SORBS2: variants seen among roughly 807,000 people sequenced by gnomAD.
The protein encoded by SORBS2 is sorbin and SH3 domain containing 2.
Under a neutral mutation model 97.7 loss-of-function variants are expected in SORBS2, and 46 were observed. The observed-to-expected ratio is 0.47, with a 90% CI of 0.37 to 0.60. The LOEUF (loss-of-function observed/expected upper bound fraction) is 0.60, where lower values mean the gene tolerates loss of function less well. SORBS2 is among the 20% of genes least tolerant of loss of function. The pLI is 0.00. For synonymous variants in SORBS2, 476 were observed against 473.4 expected (o/e 1.01, Z -0.07); for missense variants, 1,316 against 1,282.3 (o/e 1.03, Z -0.40).
intron 2 of SORBS2, among the ~76,000 whole-genome samples, chr4:185,749,178 T>C (rs1172207312): frequency 1.3e-5 from 2 of 152,206 alleles, no homozygotes; most frequent in East Asian, 1.9e-4. Flanking sequence ...ATGTGGATGC[T>C]GCTCCAAGCC....
intron 4 of SORBS2, chr4:185,638,900 C>A: frequency 1.3e-6 from 2 of 1,481,522 alleles, no homozygotes; most frequent in Non-Finnish European, 1.8e-6. Context: ...AGAGCCGGGG[C>A]GCGCGAGCTT....
rs777341296 is a variant in SORBS2 at position 185,719,761 on chromosome 4, ATTC to A, written c.-197-40942_-197-40940del. Reference sequence around the variant, plus strand: ...AAAGCCCTAGCATAATGCAATAGGAATTCTTCTTGCCTGTATAACTGGATTCTG... The same window carrying A: ...AAAGCCCTAGCATAATGCAATAGGAATTCTTGCCTGTATAACTGGATTCTG... On this transcript the variant is annotated intron_variant, in intron 2 of 20. Transcript: ENST00000284776. Among the ~76,000 whole-genome samples the A allele has an allele frequency of 6.6e-5, 10 of 152,332 alleles. No individual in the cohort carries two copies. In the East Asian group the frequency reaches 1.7e-3, roughly 26 times the overall value.
intron 1 of SORBS2, among the ~76,000 whole-genome samples, chr4:185,873,513 G>A (rs1250184380): frequency 1.3e-5 from 2 of 152,172 alleles, no homozygotes; most frequent in Non-Finnish European, 2.9e-5. Context: ...TGATAAGCAT[G>A]AACCAGGAAA....
In SORBS2 at chr4:185,814,354, A is replaced by G. The variant is rs150682532; in HGVS notation, c.-337-38988T>C. On this transcript the variant is annotated intron_variant, in intron 1 of 20. Coordinates refer to the SORBS2 transcript ENST00000284776. The stretch of plus-strand genomic sequence containing the variant: ...GAGACCAGTCTAGGCAACAGACTGC[A>G]TCTCTACAAAAAAAAAAAAAATCAA... 7.5e-3 allele frequency among the ~76,000 whole-genome samples: 1,122 copies of G among 150,188 alleles called. 6 individuals are homozygous for G. Among genetic ancestry groups the G allele is most frequent in the African/African-American group, 0.025 (1,001 of 40,618 alleles).
At chr4:185,939,450 T>C (rs1034688182) in intron 1 of SORBS2, among the ~76,000 whole-genome samples, 1 of 152,204 alleles carries the variant, frequency 6.6e-6, no homozygotes, top group Non-Finnish European at 1.5e-5. Context: ...ACTGCTGCTC[T>C]ATTTCTCCCT....
intron 1 of SORBS2, among the ~76,000 whole-genome samples, chr4:185,861,597 C>T (rs1346830734): frequency 8.8e-6 from 1 of 113,158 alleles, no homozygotes; most frequent in African/African-American, 3.7e-5. Flanking sequence ...GATCTGACTT[C>T]TATTTTTTTT....
rs149773204 is a variant in SORBS2, at chr4:185,623,110, G to A, written c.2019C>T (p.Pro673=). The stretch of plus-strand genomic sequence containing the variant: ...GCGCTCTCAGGGATGAGTTCCTCTC[G>A]GGAACATCTGGCAGCAGCTCACTGA... The change falls in exon 7 of 15, where the codon CCC becomes CCT. Residue 673 remains proline (P), a synonymous_variant. Transcript: ENST00000418609. This position sits in a 1 kb window ranked among gnomAD's most constrained non-coding sequence, Gnocchi z 6.4. 1.2e-6 allele frequency: 2 copies of A among 1,614,118 alleles called. No individual in the cohort carries two copies. Among genetic ancestry groups the A allele is most frequent in the East Asian group, 2.2e-5 (1 of 44,884 alleles).
At chr4:185,610,990 G>A (rs367782151) in intron 12 of SORBS2, among the ~76,000 whole-genome samples, 1 of 152,072 alleles carries the variant, frequency 6.6e-6, no homozygotes, top group East Asian at 1.9e-4. Flanking sequence ...CACATTGTGA[G>A]TACAGACAAA....
chr4:185,587,846 A>G (rs1006011647), intron 14 of SORBS2, 158 bp from the exon 27 acceptor site: 26 of 616,704 alleles, frequency 4.2e-5, no homozygotes, highest in Non-Finnish European at 7.3e-5. Context: ...TAGGCAGACA[A>G]AATAAGCAGT....
intron 2 of SORBS2, among the ~76,000 whole-genome samples, chr4:185,750,819 TG>T (rs943639326): frequency 1.4e-4 from 21 of 152,082 alleles, no homozygotes; most frequent in African/African-American, 4.8e-4. Context: ...TTTGGAAAGT[TG>T]GGGGTAAGGT....
intron 1 of SORBS2, among the ~76,000 whole-genome samples, chr4:185,854,531 A>C (rs1051239365): frequency 6.6e-6 from 1 of 152,174 alleles, no homozygotes; most frequent in Non-Finnish European, 1.5e-5. Flanking sequence ...GTTTTCTTTC[A>C]GTCGCTTAGG....
chr4:185,730,296 G>A (rs1440778712), intron 2 of SORBS2, among the ~76,000 whole-genome samples: 1 of 136,624 alleles, frequency 7.3e-6, no homozygotes, highest in African/African-American at 2.6e-5. Flanking sequence ...TTTTTTTAAA[G>A]GTCAATATAC....
intron 1 of SORBS2, among the ~76,000 whole-genome samples, chr4:185,897,022 C>CT (rs1277947252): frequency 6.6e-6 from 1 of 152,126 alleles, no homozygotes; most frequent in African/African-American, 2.4e-5. Flanking sequence ...GAAACAGTAC[C>CT]CCAGATGACA....
At chr4:185,934,458 A>G (rs1561315483) in intron 1 of SORBS2, among the ~76,000 whole-genome samples, 1 of 152,172 alleles carries the variant, frequency 6.6e-6, no homozygotes, top group African/African-American at 2.4e-5. Flanking sequence ...GATTTTACAT[A>G]TTAAAGAACA....
intron 5 of SORBS2, among the ~76,000 whole-genome samples, chr4:185,629,921 C>T (rs563148484): frequency 3.9e-5 from 6 of 152,208 alleles, no homozygotes; most frequent in Admixed American, 6.5e-5. Context: ...TTACTTCAGG[C>T]GAACTCTGAG....
At chr4:185,662,299 A>G in intron 4 of SORBS2, 57 bp from the exon 8 acceptor site, 1 of 1,516,868 alleles carries the variant, frequency 6.6e-7, no homozygotes, top group Non-Finnish European at 9.0e-7. Context: ...TGTAAACATC[A>G]TTCCATTAGG....
At chr4:185,624,431 G>C in exon 7 of SORBS2, 1 of 1,614,030 alleles carries the variant, frequency 6.2e-7, no homozygotes, top group South Asian at 1.1e-5. Flanking sequence ...TAACTCACTG[G>C]AGGGGTTGCC....
At chr4:185,772,232 C>A (rs2153625922) in intron 2 of SORBS2, 1 of 152,314 alleles carries the variant, frequency 6.6e-6, no homozygotes, top group Non-Finnish European at 1.5e-5. Context: ...ACCGTTCACA[C>A]CCACATCAAC....
intron 1 of SORBS2, among the ~76,000 whole-genome samples, chr4:185,934,018 G>A (rs2099267714): frequency 2.0e-5 from 3 of 152,100 alleles, no homozygotes; most frequent in Admixed American, 1.3e-4. Flanking sequence ...TTCCTTCAAA[G>A]CATTTTTCCC....
Sources: gnomAD v4.1 joint callset for allele counts (sites outside exome capture counted in the v4.1 genomes callset) on GRCh38, gnomAD v4.1.1 for gene constraint, Gnocchi (gnomAD v3.1) non-coding constraint, MANE v1.5 for transcripts, NCBI Gene and HGNC (gene_info 2026-07-23, HGNC 2026-07-21) for gene names.